H3C4: variants seen among roughly 807,000 people sequenced by gnomAD.
H3C4 encodes the protein histone H3.1.
A neutral mutation model predicts 8.7 loss-of-function variants in H3C4; 10 were observed. The ratio of observed to expected loss-of-function variants is 1.15; its 90% CI spans 0.71 to 1.96. The LOEUF is 1.96. H3C4 is among the 30% of genes most tolerant of loss of function. The pLI is 0.00. For missense variants in H3C4, 216 were observed against 192.9 expected (o/e 1.12, Z -0.71); for synonymous variants, 141 against 80.1 (o/e 1.76, Z -4.06).
chr6:26,198,126 C>G (rs147556458), upstream of H3C4, among the ~76,000 whole-genome samples: 67 of 152,256 alleles, frequency 4.4e-4, no homozygotes, highest in African/African-American at 1.1e-3. Context: ...AAGATGCATA[C>G]AAAAGACAAT....
At chr6:26,197,579 G>A (rs7775052), upstream of H3C4, among the ~76,000 whole-genome samples, 16,115 of 151,926 alleles carry the variant, frequency 0.11, 910 homozygotes, top group South Asian at 0.15. Flanking sequence ...TTAAATGTTG[G>A]CGCTGAAACT....
At chr6:26,198,495 C>G (rs556828977), upstream of H3C4, among the ~76,000 whole-genome samples, 4 of 152,222 alleles carry the variant, frequency 2.6e-5, no homozygotes, top group South Asian at 2.1e-4. Flanking sequence ...CCACGCCCGA[C>G]AAATTTTTTT....
upstream of H3C4, chr6:26,199,069 G>T (rs753197401): frequency 1.9e-6 from 3 of 1,614,098 alleles, no homozygotes; most frequent in East Asian, 2.2e-5. Context: ...TCGGCGGTCA[G>T]GTACTCCAAC....
At chr6:26,199,247 G>A (rs754766120), upstream of H3C4, 19 of 1,591,946 alleles carry the variant, frequency 1.2e-5, no homozygotes, top group Non-Finnish European at 1.4e-5. Context: ...CGGACATTTT[G>A]AATTCTTAAA....
At chr6:26,197,881 T>TAA (rs79006416), upstream of H3C4, among the ~76,000 whole-genome samples, 3,372 of 105,114 alleles carry the variant, frequency 0.032, 89 homozygotes, top group African/African-American at 0.051. Flanking sequence ...TAATCTGCTG[T>TAA]AAAAAAAAAA....
chr6:26,198,526 TTCA>T (rs893748813), upstream of H3C4, among the ~76,000 whole-genome samples: 1 of 152,146 alleles, frequency 6.6e-6, no homozygotes, highest in African/African-American at 2.4e-5. Context: ...AAGACGGGGC[TTCA>T]CACCATGTTG....
chr6:26,197,080 CT>C lies in H3C4; in HGVS notation c.170del (p.Lys57SerfsTer6). ...VALREIRRYQ[K>X]STELLIRKLP... ...GTTTGCGAATCAGCAGCTCGGTCGA[CT>C]TCTGGTAGCGGCGGATCTCGCGCAG... is the stretch of plus-strand genomic sequence containing the variant. On this transcript the variant is annotated frameshift_variant, in exon 1 of 1. Coordinates refer to ENST00000356476, the MANE Select transcript of H3C4 (RefSeq NM_001376937.1). LOFTEE classifies it high-confidence loss of function. The C allele has an allele frequency of 6.2e-7, 1 of 1,614,240 alleles. No individual in the cohort carries two copies. Among genetic ancestry groups the C allele is most frequent in the Non-Finnish European group, 8.5e-7 (1 of 1,180,038 alleles).
chr6:26,198,917 C>A, upstream of H3C4: 1 of 1,614,234 alleles, frequency 6.2e-7, no homozygotes, highest in East Asian at 2.2e-5. Flanking sequence ...GGATGTTGGG[C>A]AGAACACCGC....
At chr6:26,198,874 G>A (rs752532053), upstream of H3C4, 3 of 1,614,086 alleles carry the variant, frequency 1.9e-6, no homozygotes, top group East Asian at 2.2e-5. Flanking sequence ...GCCTTGTGGT[G>A]ACTCTCAGTC....
upstream of H3C4, chr6:26,197,307 C>T (rs139553692): frequency 8.6e-5 from 134 of 1,563,564 alleles, no homozygotes; most frequent in African/African-American, 1.0e-3. Context: ...CCTTTCGTAC[C>T]CGTATATATA....
chr6:26,198,591 C>T (rs1204181248), upstream of H3C4, among the ~76,000 whole-genome samples: 1 of 152,208 alleles, frequency 6.6e-6, no homozygotes, highest in African/African-American at 2.4e-5. Context: ...CTTGGCCTTC[C>T]AAAGTCCTGG....
chr6:26,198,926 G>A, upstream of H3C4: 2 of 1,614,202 alleles, frequency 1.2e-6, no homozygotes, highest in Non-Finnish European at 1.7e-6. Flanking sequence ...GCAGAACACC[G>A]CCCTGAGCAA....
chr6:26,197,260 C>G lies in H3C4; in HGVS notation c.-10G>C, dbSNP rs767039020. 2.5e-6 allele frequency: 4 copies of G among 1,600,040 alleles called. No homozygotes were observed. In the African/African-American group the frequency reaches 4.1e-5, roughly 16 times the overall value. Reference sequence around the variant, plus strand: ...GCTTGGTACGAGCCATTGCGAACTTCTAAACCCTGCTAAATGACGAAAAAA... The same window carrying G: ...GCTTGGTACGAGCCATTGCGAACTTGTAAACCCTGCTAAATGACGAAAAAA... On this transcript the variant is annotated 5_prime_UTR_variant, in exon 1 of 1. Transcript: ENST00000356476.
chr6:26,199,170 T>G (rs1225978609), upstream of H3C4: 67 of 1,614,014 alleles, frequency 4.2e-5, no homozygotes, highest in Non-Finnish European at 5.6e-5. Flanking sequence ...CACAGGGAAC[T>G]GGAGTCCGGC....
chr6:26,196,896 T>C lies in H3C4; in HGVS notation c.355A>G (p.Thr119Ala), dbSNP rs1764981265. 6.2e-7 allele frequency: 1 copy of C among 1,614,092 alleles called. No homozygotes were observed. Among genetic ancestry groups the C allele is most frequent in the African/African-American group, 1.3e-5 (1 of 74,938 alleles). Residue 119 changes from threonine to alanine, a missense_variant, in exon 1 of 1, where the codon ACT (threonine) becomes GCT (alanine). Coordinates refer to ENST00000356476, the MANE Select transcript of H3C4 (RefSeq NM_001376937.1). Reference sequence around the variant, plus strand: ...AGCTGGATGTCCTTGGGCATGATAGTCACTCGCTTGGCGTGAATGGCGCAT... The same window carrying C: ...AGCTGGATGTCCTTGGGCATGATAGCCACTCGCTTGGCGTGAATGGCGCAT... ...NLCAIHAKRV[T>A]IMPKDIQLAR...
At chr6:26,198,835 T>C (rs376397894), upstream of H3C4, 66 of 1,610,308 alleles carry the variant, frequency 4.1e-5, no homozygotes, top group Non-Finnish European at 5.5e-5. Flanking sequence ...AAAAAGCCAA[T>C]ATAAGAGTTC....
chr6:26,199,108 C>A (rs778465834), upstream of H3C4: 2 of 1,614,192 alleles, frequency 1.2e-6, no homozygotes, highest in South Asian at 1.1e-5. Flanking sequence ...GGCGCGCCGG[C>A]CCCGACTCGC....
At chr6:26,198,748 T>C (rs1765047178), upstream of H3C4, 5 of 1,184,198 alleles carry the variant, frequency 4.2e-6, no homozygotes, top group African/African-American at 3.1e-5. Flanking sequence ...AAAATAGCTA[T>C]TTACACAGAA....
upstream of H3C4, chr6:26,198,990 T>C: frequency 6.2e-7 from 1 of 1,614,244 alleles, no homozygotes; most frequent in Non-Finnish European, 8.5e-7. Context: ...GATGGCCAGC[T>C]GCAGGTGTCG....
Sources: gnomAD v4.1 joint callset for allele counts (sites outside exome capture counted in the v4.1 genomes callset) on GRCh38, gnomAD v4.1.1 for gene constraint, MANE v1.5 for transcripts, NCBI Gene and HGNC (gene_info 2026-07-23, HGNC 2026-07-21) for gene names.